Variants in CDH13 observed in about 807,000 individuals in gnomAD.
CDH13 encodes cadherin 13.
CDH13 carries 24 observed loss-of-function variants against 63.8 expected under a neutral mutation model. That is an observed-to-expected ratio of 0.38 (90% CI 0.27 to 0.53). CDH13 has a LOEUF of 0.53. CDH13 is among the 20% of genes least tolerant of loss of function. The pLI is 0.85. For missense variants in CDH13, 1,049 were observed against 903.1 expected, an observed-to-expected ratio of 1.16 and a Z score of -2.07; for synonymous variants, 503 against 355.3, an observed-to-expected ratio of 1.42 and a Z score of -4.67.
chr16:83,233,447 G>T (rs1047437464), intron 5 of CDH13, among the ~76,000 whole-genome samples: 1 of 152,192 alleles, frequency 6.6e-6, no homozygotes, highest in Non-Finnish European at 1.5e-5. Context: ...ATTACTGCAG[G>T]CTTGGTGGCT....
intron 6 of CDH13, among the ~76,000 whole-genome samples, chr16:83,430,420 C>T (rs1049752550): frequency 6.6e-6 from 1 of 152,202 alleles, no homozygotes; most frequent in Non-Finnish European, 1.5e-5. Flanking sequence ...TCTTGGCAAA[C>T]AACCTAATTG....
At chr16:83,368,783 C>T (rs1389331327) in intron 6 of CDH13, among the ~76,000 whole-genome samples, 1 of 150,270 alleles carries the variant, frequency 6.7e-6, no homozygotes, top group East Asian at 2.0e-4. Context: ...ATTTTCCATT[C>T]CTGAGTTACT....
chr16:82,992,034 T>C (rs1046491810), intron 2 of CDH13, among the ~76,000 whole-genome samples: 1 of 152,168 alleles, frequency 6.6e-6, no homozygotes, highest in African/African-American at 2.4e-5. Context: ...AAAGTATGTT[T>C]CCACTGAAAG....
At chr16:83,469,319 C>T (rs1292391131) in intron 6 of CDH13, among the ~76,000 whole-genome samples, 1 of 152,158 alleles carries the variant, frequency 6.6e-6, no homozygotes, top group East Asian at 1.9e-4. Context: ...TTCTCAGGCC[C>T]TAATATTTCT....
At chr16:83,416,846 A>G (rs1048101281) in intron 6 of CDH13, among the ~76,000 whole-genome samples, 2 of 152,220 alleles carry the variant, frequency 1.3e-5, no homozygotes, top group Non-Finnish European at 2.9e-5. Context: ...AAGGATTCTC[A>G]TCAGTAAGAT....
intron 3 of CDH13, among the ~76,000 whole-genome samples, chr16:83,034,118 G>A (rs1486547551): frequency 1.3e-5 from 2 of 152,100 alleles, no homozygotes; most frequent in South Asian, 4.2e-4. Flanking sequence ...GAATAGCGAG[G>A]TTAAACAGCC....
At chr16:82,835,323 G>A (rs1000110838) in intron 1 of CDH13, among the ~76,000 whole-genome samples, 2 of 152,148 alleles carry the variant, frequency 1.3e-5, no homozygotes, top group African/African-American at 2.4e-5. Flanking sequence ...TGCTCCTTCT[G>A]ACATTCACAG....
intron 7 of CDH13, among the ~76,000 whole-genome samples, chr16:83,576,770 C>A (rs1055126332): frequency 1.1e-4 from 16 of 152,292 alleles, no homozygotes; most frequent in African/African-American, 3.6e-4. Flanking sequence ...TGATACTGAA[C>A]ATTTTTTCAT....
chr16:83,140,399 C>A lies in CDH13; in HGVS notation c.483+14898C>A, dbSNP rs192362247. On this transcript the variant is annotated intron_variant, in intron 4 of 13. Transcript: ENST00000567109. ...AGTTTCAGGGCTTCTAATGTGGGAT[C>A]TACTGCCTCTGCAGGGACCCACAGA... Among the ~76,000 whole-genome samples, 685 of 152,368 alleles carry A rather than the reference C, an allele frequency of 4.5e-3. 4 individuals are homozygous for A. Among genetic ancestry groups the A allele is most frequent in the Admixed American group, 6.9e-3 (106 of 15,308 alleles).
chr16:83,323,258 C>A (rs2090280749), intron 5 of CDH13, among the ~76,000 whole-genome samples: 1 of 132,672 alleles, frequency 7.5e-6, no homozygotes, highest in Non-Finnish European at 1.6e-5. Context: ...TTCCTTCTTT[C>A]CATCTTTCTT....
intron 2 of CDH13, among the ~76,000 whole-genome samples, chr16:82,930,291 A>G (rs990115696): frequency 2.6e-5 from 4 of 152,040 alleles, no homozygotes; most frequent in Non-Finnish European, 5.9e-5. Flanking sequence ...CTTTATGTAA[A>G]TGGAATCATA....
intron 2 of CDH13, among the ~76,000 whole-genome samples, chr16:82,961,531 G>C (rs935466195): frequency 8.2e-5 from 11 of 134,370 alleles, no homozygotes; most frequent in African/African-American, 2.3e-4. Flanking sequence ...GTCTTTATCA[G>C]CAATTCACAG....
At chr16:82,955,651 TGG>T (rs764255312) in intron 2 of CDH13, among the ~76,000 whole-genome samples, 1 of 152,090 alleles carries the variant, frequency 6.6e-6, no homozygotes, top group African/African-American at 2.4e-5. Context: ...GTGAATACAG[TGG>T]GGGGACAAAA....
intron 6 of CDH13, among the ~76,000 whole-genome samples, chr16:83,443,723 AAAAAAAAAAAAAAT>A (rs2072560803): frequency 2.5e-5 from 2 of 79,110 alleles, no homozygotes; most frequent in African/African-American, 1.4e-4. Context: ...AAAAAAAAAA[AAAAAAAAAAAAAAT>A]ATATATATAT....
intron 4 of CDH13, among the ~76,000 whole-genome samples, chr16:83,203,893 A>T (rs1281684725): frequency 1.3e-5 from 2 of 152,126 alleles, no homozygotes; most frequent in Non-Finnish European, 2.9e-5. Context: ...AGATGGCAGA[A>T]TGCACACAAA....
At chr16:83,237,184 C>T (rs921743993) in intron 5 of CDH13, among the ~76,000 whole-genome samples, 2 of 152,134 alleles carry the variant, frequency 1.3e-5, no homozygotes, top group African/African-American at 4.8e-5. Flanking sequence ...ACAAGAGAGG[C>T]CCTCAAGAGA....
chr16:83,200,802 A>C lies in CDH13; in HGVS notation c.484-16543A>C, dbSNP rs112058645. Among the ~76,000 whole-genome samples the C allele has an allele frequency of 3.9e-3, 600 of 152,290 alleles. 6 individuals carry two copies. The highest frequency in any genetic ancestry group is 0.014 in the African/African-American group (570 of 41,554). ...TTGAGCTTCCCTTAGGGAAAACAAC[A>C]ACAACAACATATTTTAGGTAGCCAG... On this transcript the variant is annotated intron_variant, in intron 4 of 13. Transcript: ENST00000567109.
At chr16:83,662,134 T>A (rs1295948326) in intron 8 of CDH13, among the ~76,000 whole-genome samples, 1 of 152,216 alleles carries the variant, frequency 6.6e-6, no homozygotes, top group East Asian at 1.9e-4. Flanking sequence ...TGGAGAGGAC[T>A]CTTCACTCAG....
chr16:82,820,130 T>C (rs1032359149), intron 1 of CDH13, among the ~76,000 whole-genome samples: 1 of 152,132 alleles, frequency 6.6e-6, no homozygotes, highest in Admixed American at 6.6e-5. Flanking sequence ...GATAAGGATA[T>C]CTGCAATGTG....
Sources: gnomAD v4.1 joint callset for allele counts (sites outside exome capture counted in the v4.1 genomes callset) on GRCh38, gnomAD v4.1.1 for gene constraint, MANE v1.5 for transcripts, NCBI Gene and HGNC (gene_info 2026-07-23, HGNC 2026-07-21) for gene names.